RC3H1: variants seen among roughly 807,000 people sequenced by gnomAD.
The protein encoded by RC3H1 is roquin-1.
Under a neutral mutation model 138.2 loss-of-function variants are expected in RC3H1, and 50 were observed. The ratio of observed to expected loss-of-function variants is 0.36; its 90% CI spans 0.29 to 0.46. RC3H1 has a LOEUF of 0.46. Among genes scored for constraint, RC3H1 ranks in the 20% least tolerant of loss-of-function variants. The pLI, the probability that RC3H1 is intolerant of heterozygous loss-of-function variation, is 1.00. For missense variants in RC3H1, 1,031 were observed against 1,388.1 expected (o/e 0.74, Z 4.09); for synonymous variants, 462 against 489.1 (o/e 0.94, Z 0.73).
In RC3H1 at chr1:173,993,050, G is replaced by A; in HGVS notation, c.-65C>T. The A allele has an allele frequency of 3.3e-6, 4 of 1,198,282 alleles. No homozygotes were observed. The highest frequency in any genetic ancestry group is 3.1e-5 in the African/African-American group (2 of 64,784). The allele number at this position is 1,198,282 out of a possible 1,614,324, so 74.2% of individuals were successfully genotyped here. A position where few individuals can be genotyped will look rare whatever the true frequency, so the allele number is the denominator to read the frequency against. On this transcript the variant is annotated 5_prime_UTR_variant, in exon 2 of 20. Coordinates refer to ENST00000367696, the MANE Select transcript of RC3H1 (RefSeq NM_172071.4). The stretch of plus-strand genomic sequence containing the variant: ...CAAATCTAAAGCAAAGATTCCACTG[G>A]AATCAAAATCTTTGAAAAAAAGTTT...
chr1:173,976,290 AAAT>A (rs2102988981), intron 7 of RC3H1, among the ~76,000 whole-genome samples: 1 of 152,006 alleles, frequency 6.6e-6, no homozygotes, highest in East Asian at 1.9e-4. Context: ...TACTAAAAAT[AAAT>A]AATAAGAATA....
At chr1:174,021,732 A>C (rs1285387026) in intron 1 of RC3H1, among the ~76,000 whole-genome samples, 1 of 152,152 alleles carries the variant, frequency 6.6e-6, no homozygotes, top group East Asian at 1.9e-4. Context: ...GGGTCCAAAA[A>C]GCAGTTCCCG....
Position 173,938,640 on chromosome 1 carries a change from G to A in RC3H1, c.*81C>T. ...TCTCTGACCGCTCTTAAGAGAAAAAGTTTAGAAGTTATGCGTTCTCCTACC... is the reference window on the plus strand; with the variant it reads ...TCTCTGACCGCTCTTAAGAGAAAAAATTTAGAAGTTATGCGTTCTCCTACC... On this transcript the variant is annotated 3_prime_UTR_variant, in exon 20 of 20. Transcript: ENST00000367696. 1 of 1,089,470 alleles carries A rather than the reference G, an allele frequency of 9.2e-7. No individual in the cohort carries two copies. Among genetic ancestry groups the A allele is most frequent in the Non-Finnish European group, 1.3e-6 (1 of 782,392 alleles). The allele number at this position is 1,089,470 out of a possible 1,614,324, so 67.5% of individuals were successfully genotyped here. A position where few individuals can be genotyped will look rare whatever the true frequency, so the allele number is the denominator to read the frequency against.
At chr1:173,994,163 G>A (rs10912712) in intron 1 of RC3H1, among the ~76,000 whole-genome samples, 7,880 of 151,202 alleles carry the variant, frequency 0.052, 665 homozygotes, top group African/African-American at 0.18. Context: ...AGGCTGAGGC[G>A]GGTGGGTCAC....
intron 3 of RC3H1, among the ~76,000 whole-genome samples, chr1:173,984,134 T>C (rs910325670): frequency 6.6e-6 from 1 of 152,202 alleles, no homozygotes; most frequent in African/African-American, 2.4e-5. Flanking sequence ...CCATTCAGAA[T>C]TGTCAAATGA....
chr1:173,982,865 G>A lies in RC3H1; in HGVS notation c.630C>T (p.Ala210=), dbSNP rs1351812563. 6.2e-7 allele frequency: 1 copy of A among 1,612,780 alleles called. No homozygotes were observed. The highest frequency in any genetic ancestry group is 2.2e-5 in the East Asian group (1 of 44,764). The change falls in exon 5 of 20, where the codon GCC becomes GCT. Residue 210 remains alanine (A), a synonymous_variant. Coordinates refer to ENST00000367696, the MANE Select transcript of RC3H1 (RefSeq NM_172071.4). ...TTGACAAAGCAGAACCATCTTCTAA[G>A]GCCAGCAGAACCAACTTTAAAGCTT... is the stretch of plus-strand genomic sequence containing the variant. The part of the protein sequence containing the change: ...QEEALKLVLL[A]LEDGSALSRK...
chr1:174,013,098 T>C (rs986193366), intron 1 of RC3H1, among the ~76,000 whole-genome samples: 1 of 152,084 alleles, frequency 6.6e-6, no homozygotes, highest in Non-Finnish European at 1.5e-5. Flanking sequence ...TAGGAAACCA[T>C]ACTATAATGG....
intron 13 of RC3H1, among the ~76,000 whole-genome samples, chr1:173,956,130 C>CAAAAAAAAAAAA (rs552947734): frequency 4.6e-5 from 4 of 86,348 alleles, no homozygotes; most frequent in African/African-American, 1.4e-4. Flanking sequence ...GAGTCTGTCT[C>CAAAAAAAAAAAA]AAAAAAAAAA....
At chr1:173,960,937 T>C (rs1217222807) in intron 13 of RC3H1, 140 bp downstream of exon 13, 5 of 749,564 alleles carry the variant, frequency 6.7e-6, no homozygotes, top group African/African-American at 3.6e-5. Flanking sequence ...TCTAGATGGA[T>C]TGTAGAGTTA....
chr1:173,968,601 T>C (rs761844445), intron 9 of RC3H1, among the ~76,000 whole-genome samples: 3 of 152,160 alleles, frequency 2.0e-5, no homozygotes, highest in Non-Finnish European at 4.4e-5. Flanking sequence ...TACTAAAGTT[T>C]TTCCCAATAA....
intron 14 of RC3H1, among the ~76,000 whole-genome samples, chr1:173,949,394 A>G (rs58199468): frequency 1.3e-5 from 2 of 149,368 alleles, no homozygotes; most frequent in African/African-American, 2.5e-5. Context: ...TCTGAGATGG[A>G]GTCTCACTCT....
At chr1:174,007,818 C>T (rs1369144122) in intron 1 of RC3H1, among the ~76,000 whole-genome samples, 1 of 152,092 alleles carries the variant, frequency 6.6e-6, no homozygotes, top group Non-Finnish European at 1.5e-5. Flanking sequence ...TAAACTGTTA[C>T]AAAGCACTCC....
intron 6 of RC3H1, among the ~76,000 whole-genome samples, chr1:173,980,567 C>T (rs1288956117): frequency 2.0e-5 from 3 of 151,268 alleles, no homozygotes; most frequent in Non-Finnish European, 2.9e-5. Context: ...CTAGAGTTGG[C>T]CTTCATCTCT....
intron 1 of RC3H1, among the ~76,000 whole-genome samples, chr1:174,007,090 T>G (rs1024561037): frequency 1.3e-5 from 2 of 152,052 alleles, no homozygotes; most frequent in Non-Finnish European, 2.9e-5. Flanking sequence ...TTTGCCCGGT[T>G]TAAAATTCTA....
Position 173,982,739 on chromosome 1 carries a change from G to C in RC3H1, c.756C>G (p.Ala252=). 1 of 1,605,376 alleles carries C rather than the reference G, an allele frequency of 6.2e-7. No individual in the cohort carries two copies. The highest frequency in any genetic ancestry group is 1.1e-5 in the South Asian group (1 of 89,626). ...TGTAGGTTCATACCTTGAAACAGGA[G>C]GCTCTATAAAGGAGCTGAACAACAT... ...IGHVVQLLYR[A]SCFKVTKRDE... Residue 252 remains alanine, a synonymous_variant, in exon 5 of 20, where the codon GCC becomes GCG. Coordinates refer to ENST00000367696, the MANE Select transcript of RC3H1 (RefSeq NM_172071.4).
At chr1:173,977,069 C>A (rs1283320450) in intron 7 of RC3H1, among the ~76,000 whole-genome samples, 1 of 151,978 alleles carries the variant, frequency 6.6e-6, no homozygotes, top group African/African-American at 2.4e-5. Context: ...ACTACAGGCG[C>A]CCGCCACCAT....
At position 173,964,863 on chromosome 1, in the gene RC3H1, C is replaced by T; in HGVS notation, c.1592G>A (p.Ser531Asn). 1 of 1,614,042 alleles carries T rather than the reference C, an allele frequency of 6.2e-7. No individual in the cohort carries two copies. The highest frequency in any genetic ancestry group is 8.5e-7 in the Non-Finnish European group (1 of 1,180,002). The change falls in exon 10 of 20, where the codon AGT (serine) becomes AAT (asparagine). Residue 531 changes from serine (S) to asparagine (N), a missense_variant. Around this residue, in one of 7 missense-constraint regions of RC3H1, gnomAD observed 716 missense variants for 837.9 expected, o/e 0.85. Transcript: ENST00000367696. Reference protein sequence around the residue: ...KPGKIDHLSSSAPGSPPDLLE... With the variant: ...KPGKIDHLSSNAPGSPPDLLE... ...CAGGTCAGGAGGGGATCCAGGAGCA[C>T]TACTGCTCAGATGATCTATTTTTCC... is the stretch of plus-strand genomic sequence containing the variant.
At chr1:173,966,206 T>C (rs939830214) in intron 9 of RC3H1, among the ~76,000 whole-genome samples, 2 of 152,184 alleles carry the variant, frequency 1.3e-5, no homozygotes, top group Non-Finnish European at 2.9e-5. Flanking sequence ...GCTGATGTTA[T>C]GTATGCCAAT....
chr1:173,987,607 T>C (rs1368904265), intron 2 of RC3H1, among the ~76,000 whole-genome samples: 1 of 152,208 alleles, frequency 6.6e-6, no homozygotes, highest in Non-Finnish European at 1.5e-5. Context: ...TGGTTCCTTT[T>C]ATTGGAGAAT....
Sources: allele counts gnomAD v4.1 joint callset (sites outside exome capture counted in the v4.1 genomes callset), GRCh38; gene constraint gnomAD v4.1.1; regional missense constraint gnomAD v4.1.1; transcripts MANE v1.5; gene names NCBI Gene and HGNC (gene_info 2026-07-23, HGNC 2026-07-21).